Variants in SFMBT1 observed in about 807,000 individuals in gnomAD.
The protein encoded by SFMBT1 is scm-like with four MBT domains protein 1.
SFMBT1 carries 32 observed loss-of-function variants against 108.7 expected under a neutral mutation model. The ratio of observed to expected loss-of-function variants is 0.29; its 90% CI spans 0.22 to 0.40. The LOEUF (loss-of-function observed/expected upper bound fraction) is 0.40. Ranked by LOEUF, SFMBT1 falls within the 10% of genes least tolerant of loss-of-function variation. The pLI is 1.00. For missense variants in SFMBT1, 816 were observed against 1,059.6 expected (o/e 0.77, Z 3.19); for synonymous variants, 348 against 369.5 (o/e 0.94, Z 0.67).
chr3:52,982,307 T>C (rs929645591), intron 1 of SFMBT1, among the ~76,000 whole-genome samples: 3 of 152,150 alleles, frequency 2.0e-5, no homozygotes, highest in African/African-American at 7.2e-5. Flanking sequence ...CCTGAAACAA[T>C]AGACTCCTGC....
intron 1 of SFMBT1, among the ~76,000 whole-genome samples, chr3:53,032,559 A>T (rs1025567260): frequency 6.6e-6 from 1 of 152,228 alleles, no homozygotes; most frequent in Non-Finnish European, 1.5e-5. Context: ...GGAAATGACA[A>T]GATGAGATCT....
At chr3:52,916,098 T>C (rs372680580) in intron 14 of SFMBT1, 52 bp downstream of exon 14, 1 of 1,451,890 alleles carries the variant, frequency 6.9e-7, no homozygotes, top group Admixed American at 1.7e-5. Flanking sequence ...TCAGATATAG[T>C]CCATTAAAAG....
At chr3:53,001,089 A>G (rs1698533081) in intron 1 of SFMBT1, among the ~76,000 whole-genome samples, 1 of 144,150 alleles carries the variant, frequency 6.9e-6, no homozygotes, top group Admixed American at 6.8e-5. Context: ...CAAAAACAAA[A>G]AAGAACCACA....
intron 8 of SFMBT1, among the ~76,000 whole-genome samples, chr3:52,928,665 C>T (rs13082026): frequency 0.28 from 10,973 of 38,904 alleles, 621 homozygotes; most frequent in Non-Finnish European, 0.38. Context: ...CACATATATA[C>T]ATATATACAC....
chr3:52,945,135 T>TGAAAAAAAAAAAAAAAAAAAAA (rs1559521010), intron 3 of SFMBT1, among the ~76,000 whole-genome samples: 1 of 17,334 alleles, frequency 5.8e-5, no homozygotes, highest in Non-Finnish European at 1.7e-4. Context: ...CACCTTCCAA[T>TGAAAAAAAAAAAAAAAAAAAAA]TAAAAAAAAA....
chr3:52,932,270 T>C lies in SFMBT1; in HGVS notation c.492A>G (p.Pro164=). The stretch of plus-strand genomic sequence containing the variant: ...AAGCTTGACATTCTAGTCTGGATCC[T>C]GGAGCAATGAGATCTAAAGGATTCC... ...NGRNPLDLIA[P]GSRLECQAFQ... is the part of the protein sequence containing the mutation. Residue 164 remains proline, a synonymous_variant, in exon 6 of 21, where the codon CCA becomes CCG. Coordinates refer to ENST00000394752, the MANE Select transcript of SFMBT1 (RefSeq NM_016329.4). 6.2e-7 allele frequency: 1 copy of C among 1,614,194 alleles called. No homozygotes were observed. Among genetic ancestry groups the C allele is most frequent in the Non-Finnish European group, 8.5e-7 (1 of 1,180,024 alleles).
chr3:52,921,841 G>A lies in SFMBT1; in HGVS notation c.1132-10C>T. 1 of 1,613,126 alleles carries A rather than the reference G, an allele frequency of 6.2e-7. No homozygotes were observed. The highest frequency in any genetic ancestry group is 1.1e-5 in the South Asian group (1 of 91,022). On this transcript the variant is annotated splice_polypyrimidine_tract_variant and intron_variant, in intron 10 of 20. Coordinates refer to ENST00000394752, the MANE Select transcript of SFMBT1 (RefSeq NM_016329.4). ...CATGTTCAGAAATTAACTAGAAAAT[G>A]AATGAATCAAATCAATTTACTGGAT...
intron 3 of SFMBT1, among the ~76,000 whole-genome samples, chr3:52,945,135 T>TCAAAAAAAAAA (rs1559521010): frequency 5.8e-5 from 1 of 17,336 alleles, no homozygotes; most frequent in Non-Finnish European, 1.7e-4. Flanking sequence ...CACCTTCCAA[T>TCAAAAAAAAAA]TAAAAAAAAA....
intron 1 of SFMBT1, among the ~76,000 whole-genome samples, chr3:53,031,538 A>T (rs1308233482): frequency 6.6e-6 from 1 of 152,220 alleles, no homozygotes; most frequent in Non-Finnish European, 1.5e-5. Flanking sequence ...AATATGACAA[A>T]ATACTAGTTT....
At chr3:52,991,684 C>T (rs995828889) in intron 1 of SFMBT1, among the ~76,000 whole-genome samples, 5 of 152,056 alleles carry the variant, frequency 3.3e-5, no homozygotes, top group African/African-American at 1.2e-4. Flanking sequence ...AGTATTAAGA[C>T]GTGTGGCCTT....
At chr3:53,022,717 A>T (rs1320931852) in intron 1 of SFMBT1, among the ~76,000 whole-genome samples, 1 of 152,198 alleles carries the variant, frequency 6.6e-6, no homozygotes, top group Non-Finnish European at 1.5e-5. Flanking sequence ...AGTAAATTTC[A>T]TAGAACTGAA....
chr3:53,037,466 AT>A (rs1385565287), intron 1 of SFMBT1, among the ~76,000 whole-genome samples: 5 of 152,244 alleles, frequency 3.3e-5, no homozygotes, highest in Admixed American at 3.3e-4. Context: ...AAAACTACGT[AT>A]TTTTAAGTGC....
intron 1 of SFMBT1, among the ~76,000 whole-genome samples, chr3:53,001,925 T>TCACACA (rs59572829): frequency 0.054 from 6,929 of 129,052 alleles, 396 homozygotes; most frequent in Non-Finnish European, 0.069. Context: ...ACCCAGTCTC[T>TCACACA]CACACACACA....
At position 53,004,313 on chromosome 3, in the gene SFMBT1, G is replaced by A. The variant is rs112211483; in HGVS notation, c.-130-35055C>T. On this transcript the variant is annotated intron_variant, in intron 1 of 20. Transcript: ENST00000394752. ...CTTTTAGATGGAGTCTCGCTCTGTC[G>A]CCAGGCTGGAGTGCAGTGGCGTGAT... 2.7e-3 allele frequency among the ~76,000 whole-genome samples: 385 copies of A among 141,206 alleles called. 7 individuals are homozygous for A. Among genetic ancestry groups the A allele is most frequent in the African/African-American group, 9.6e-3 (369 of 38,574 alleles). 92.6% of individuals were successfully genotyped at this position (141,206 alleles called of 152,430 possible). A position where few individuals can be genotyped will look rare whatever the true frequency, so the allele number is the denominator to read the frequency against.
chr3:53,035,423 G>T (rs1057198876), intron 1 of SFMBT1, among the ~76,000 whole-genome samples: 10 of 152,216 alleles, frequency 6.6e-5, no homozygotes, highest in African/African-American at 2.4e-4. Context: ...CCATTTGGAA[G>T]CAACAGAACA....
intron 13 of SFMBT1, 149 bp downstream of exon 13, chr3:52,918,335 A>G (rs2106775449): frequency 1.8e-6 from 1 of 551,048 alleles, no homozygotes; most frequent in Non-Finnish European, 3.0e-6. Flanking sequence ...TAGAAAATGC[A>G]TATACTGCAA....
intron 1 of SFMBT1, among the ~76,000 whole-genome samples, chr3:52,989,059 C>T (rs1397050776): frequency 2.0e-5 from 3 of 150,990 alleles, no homozygotes; most frequent in Admixed American, 6.7e-5. Context: ...AATCTCTACA[C>T]CTGTTAAACA....
intron 10 of SFMBT1, 23 bp downstream of exon 10, chr3:52,926,008 C>T: frequency 6.3e-7 from 1 of 1,598,946 alleles, no homozygotes; most frequent in Non-Finnish European, 8.5e-7. Context: ...CCATAGTGGC[C>T]ATGAGGCCGT....
rs1698322959 is a variant in SFMBT1 at position 52,996,158 on chromosome 3, T to G, written c.-130-26900A>C. Among the ~76,000 whole-genome samples the G allele has an allele frequency of 1.4e-5, 2 of 145,934 alleles. 1 individual carries two copies. The highest frequency in any genetic ancestry group is 4.0e-4 in the East Asian group (2 of 5,010). On this transcript the variant is annotated intron_variant, in intron 1 of 20. Transcript: ENST00000394752. ...TAAAAAGAAATTTTTTTGCAAAACA[T>G]ATACCTAATATGGATTTATATCAAA... is the stretch of plus-strand genomic sequence containing the variant.
Sources: gnomAD v4.1 joint callset for allele counts (sites outside exome capture counted in the v4.1 genomes callset) on GRCh38, gnomAD v4.1.1 for gene constraint, MANE v1.5 for transcripts, NCBI Gene and HGNC (gene_info 2026-07-23, HGNC 2026-07-21) for gene names.